The following ZNF407 variants were observed in gnomAD, a reference collection of about 807,000 sequenced individuals.
ZNF407 encodes the protein zinc finger protein 407.
In ZNF407, 17 loss-of-function variants were observed where a neutral mutation model predicts 131.2. That is an observed-to-expected ratio of 0.13 (90% confidence interval 0.09 to 0.19). The LOEUF (loss-of-function observed/expected upper bound fraction) is 0.19, where lower values mean the gene tolerates loss of function less well. ZNF407 is among the 10% of genes least tolerant of loss of function. ZNF407 has a pLI of 1.00. For synonymous variants in ZNF407, 1,156 were observed against 1,062.0 expected, an observed-to-expected ratio of 1.09 and a Z score of -1.72; for missense variants, 2,681 against 2,830.6, an observed-to-expected ratio of 0.95 and a Z score of 1.20.
Position 74,801,791 on chromosome 18 carries a change from C to G in ZNF407, c.4877+20289C>G, listed in dbSNP as rs140669437. Among the ~76,000 whole-genome samples, 34 of 152,046 alleles carry G rather than the reference C, an allele frequency of 2.2e-4. No individual in the cohort carries two copies. In the East Asian group the frequency reaches 6.6e-3, roughly 30 times the overall value. On this transcript the variant is annotated intron_variant, in intron 4 of 8. Coordinates refer to ENST00000299687, the MANE Select transcript of ZNF407 (RefSeq NM_017757.3). ...GACACCTATAACCTCTTTCAGTTAC[C>G]GCTTAAATTGATGCTACTCACTGTG...
At chr18:74,750,495 A>G (rs917020938) in intron 3 of ZNF407, among the ~76,000 whole-genome samples, 1 of 152,156 alleles carries the variant, frequency 6.6e-6, no homozygotes, top group Admixed American at 6.6e-5. Flanking sequence ...GTCCAAATTT[A>G]TTCAACTGGC....
chr18:75,060,476 C>T (rs1047978302), intron 8 of ZNF407, among the ~76,000 whole-genome samples: 3 of 151,686 alleles, frequency 2.0e-5, no homozygotes, highest in African/African-American at 7.3e-5. Context: ...CCTGGCTGGC[C>T]CTGCAGCTCT....
chr18:74,788,677 G>A (rs1285364976), intron 4 of ZNF407, among the ~76,000 whole-genome samples: 3 of 149,532 alleles, frequency 2.0e-5, no homozygotes, highest in Non-Finnish European at 3.0e-5. Context: ...GCTAGAGGTA[G>A]TGAGTTTTTA....
chr18:74,952,852 G>T (rs969260285), intron 8 of ZNF407, among the ~76,000 whole-genome samples: 1 of 152,204 alleles, frequency 6.6e-6, no homozygotes, highest in African/African-American at 2.4e-5. Context: ...GGAAGGCCAG[G>T]GCCGTGAAAA....
At chr18:74,865,820 G>A (rs1302297099) in intron 4 of ZNF407, among the ~76,000 whole-genome samples, 1 of 152,162 alleles carries the variant, frequency 6.6e-6, no homozygotes, top group East Asian at 1.9e-4. Flanking sequence ...AAATTAATAT[G>A]TAATTGCTTG....
intron 8 of ZNF407, among the ~76,000 whole-genome samples, chr18:74,995,701 T>TG (rs1352260006): frequency 1.3e-5 from 2 of 152,190 alleles, no homozygotes; most frequent in Admixed American, 1.3e-4. Flanking sequence ...GTGACAATGC[T>TG]GGGCCCTTCC....
At chr18:74,786,067 A>G (rs1360954540) in intron 4 of ZNF407, among the ~76,000 whole-genome samples, 2 of 152,136 alleles carry the variant, frequency 1.3e-5, no homozygotes, top group Non-Finnish European at 2.9e-5. Context: ...AACAGATTAA[A>G]TTTTTTCTTA....
chr18:74,709,206 G>A (rs1967698870), intron 3 of ZNF407, among the ~76,000 whole-genome samples: 1 of 152,050 alleles, frequency 6.6e-6, no homozygotes, highest in African/African-American at 2.4e-5. Flanking sequence ...TTTAAAAATT[G>A]CATACGTATC....
intron 1 of ZNF407, among the ~76,000 whole-genome samples, chr18:74,621,752 C>T (rs1426294724): frequency 6.6e-6 from 1 of 152,190 alleles, no homozygotes; most frequent in Non-Finnish European, 1.5e-5. Flanking sequence ...GGGAATTGGG[C>T]TCCATCCTTT....
At chr18:74,766,264 G>GA (rs984095200) in intron 3 of ZNF407, among the ~76,000 whole-genome samples, 15 of 152,186 alleles carry the variant, frequency 9.9e-5, no homozygotes, top group African/African-American at 3.6e-4. Flanking sequence ...GAACTTGGGG[G>GA]ACCCACAGGC....
chr18:74,857,744 G>A (rs948963691), intron 4 of ZNF407, among the ~76,000 whole-genome samples: 6 of 152,078 alleles, frequency 3.9e-5, no homozygotes, highest in African/African-American at 1.2e-4. Flanking sequence ...GAAGTACTGA[G>A]TACTTGAATC....
chr18:74,913,192 C>T (rs1971697932), intron 7 of ZNF407, among the ~76,000 whole-genome samples: 1 of 152,160 alleles, frequency 6.6e-6, no homozygotes. Flanking sequence ...ACATTTGAAG[C>T]AATTCCAGTT....
chr18:74,914,041 A>C (rs1457075716), intron 7 of ZNF407, among the ~76,000 whole-genome samples: 4 of 152,182 alleles, frequency 2.6e-5, no homozygotes, highest in Non-Finnish European at 4.4e-5. Flanking sequence ...GACTTTCAAC[A>C]TGTTATATTC....
intron 4 of ZNF407, among the ~76,000 whole-genome samples, chr18:74,828,618 C>G (rs1201056801): frequency 6.6e-6 from 1 of 152,188 alleles, no homozygotes; most frequent in Non-Finnish European, 1.5e-5. Context: ...GGAACCTGTT[C>G]TTTCCACCAC....
In ZNF407 at chr18:74,762,753, T is replaced by TTTGTTG. The variant is rs1187846777; in HGVS notation, c.4803-18667_4803-18662dup. On this transcript the variant is annotated intron_variant, in intron 3 of 8. Transcript: ENST00000299687. ...CTTTTAGATTTTAGATTTTTTCTTT[T>TTTGTTG]TTGTTGTTGTTGTATATTGATAGTT... Among the ~76,000 whole-genome samples the TTTGTTG allele has an allele frequency of 3.7e-4, 57 of 152,232 alleles. 1 individual carries two copies. Among genetic ancestry groups the TTTGTTG allele is most frequent in the African/African-American group, 1.3e-3 (55 of 41,550 alleles).
chr18:75,005,380 T>G (rs1972896490), intron 8 of ZNF407, among the ~76,000 whole-genome samples: 1 of 152,144 alleles, frequency 6.6e-6, no homozygotes, highest in Non-Finnish European at 1.5e-5. Context: ...AGGGTTTATA[T>G]TAAAGCCTGT....
At chr18:74,823,657 G>A (rs1970371507) in intron 4 of ZNF407, among the ~76,000 whole-genome samples, 1 of 152,160 alleles carries the variant, frequency 6.6e-6, no homozygotes, top group South Asian at 2.1e-4. Flanking sequence ...AACAAGAAGA[G>A]CTAACTATCG....
At chr18:74,803,110 C>T (rs1411241828) in intron 4 of ZNF407, among the ~76,000 whole-genome samples, 1 of 152,100 alleles carries the variant, frequency 6.6e-6, no homozygotes, top group East Asian at 1.9e-4. Context: ...TCCAGCGTTA[C>T]CACCCCCTTA....
chr18:74,994,551 G>A (rs532476245), intron 8 of ZNF407, among the ~76,000 whole-genome samples: 2 of 152,312 alleles, frequency 1.3e-5, no homozygotes, highest in South Asian at 4.2e-4. Context: ...AGTCAGGAAG[G>A]AGGCCAGTGG....
Sources: allele counts gnomAD v4.1 joint callset (sites outside exome capture counted in the v4.1 genomes callset), GRCh38; gene constraint gnomAD v4.1.1; transcripts MANE v1.5; gene names NCBI Gene and HGNC (gene_info 2026-07-23, HGNC 2026-07-21).